Variants in STX6 observed in about 807,000 individuals in gnomAD.
STX6 encodes the protein syntaxin 6, also known as syntaxin-6.
STX6 carries 23 observed loss-of-function variants against 38.0 expected under a neutral mutation model. The observed-to-expected ratio is 0.60, with a 90% CI of 0.43 to 0.86. The LOEUF is 0.86. Ranked by LOEUF, STX6 falls within the 40% of genes least tolerant of loss-of-function variation. STX6 has a pLI of 0.00. For missense variants in STX6, 274 were observed against 312.9 expected (o/e 0.88, Z 0.94); for synonymous variants, 123 against 107.5 (o/e 1.14, Z -0.89).
At chr1:181,008,547 A>T (rs1056991191) in intron 1 of STX6, among the ~76,000 whole-genome samples, 1 of 152,158 alleles carries the variant, frequency 6.6e-6, no homozygotes, top group Non-Finnish European at 1.5e-5. Context: ...TTATAACATC[A>T]AATAGTGGTC....
intron 2 of STX6, among the ~76,000 whole-genome samples, chr1:181,004,915 CAT>C (rs1055398026): frequency 9.3e-5 from 14 of 150,112 alleles, no homozygotes; most frequent in African/African-American, 3.4e-4. Flanking sequence ...TCAGAAATAT[CAT>C]ACTGACTTGA....
At chr1:180,988,627 G>A in intron 5 of STX6, 1 of 319,532 alleles carries the variant, frequency 3.1e-6, no homozygotes, top group Non-Finnish European at 6.0e-6. Context: ...TCCAATAATG[G>A]AGCAGACAAT....
intron 1 of STX6, among the ~76,000 whole-genome samples, chr1:181,013,175 CAA>C (rs1224501477): frequency 6.6e-6 from 1 of 150,554 alleles, no homozygotes; most frequent in Non-Finnish European, 1.5e-5. Flanking sequence ...AAAAAAATCA[CAA>C]AGTTTTCTTA....
rs767454786 is a variant in STX6 at position 180,993,330 on chromosome 1, G to A, written c.363+33C>T. ...CCAAATATCTAACTGTATGCTTTCT[G>A]TCATTGATAATTATATTCTGATGTT... On this transcript the variant is annotated intron_variant, in intron 4 of 7. Coordinates refer to ENST00000258301, the MANE Select transcript of STX6 (RefSeq NM_005819.6). 4.1e-6 allele frequency: 5 copies of A among 1,217,308 alleles called. No homozygotes were observed. In the South Asian group the frequency reaches 4.9e-5, roughly 12 times the overall value. 75.4% of individuals were successfully genotyped at this position (1,217,308 alleles called of 1,614,324 possible).
intron 1 of STX6, among the ~76,000 whole-genome samples, chr1:181,017,806 T>C (rs370219820): frequency 1.7e-4 from 26 of 152,216 alleles, no homozygotes; most frequent in African/African-American, 5.8e-4. Flanking sequence ...CTCAAACACT[T>C]TGAGGGGCAA....
At chr1:181,008,648 T>C (rs1656299363) in intron 1 of STX6, among the ~76,000 whole-genome samples, 1 of 150,498 alleles carries the variant, frequency 6.6e-6, no homozygotes, top group South Asian at 2.1e-4. Flanking sequence ...TTTGTTATTA[T>C]CACCACCAGT....
intron 6 of STX6, among the ~76,000 whole-genome samples, chr1:180,986,235 T>C (rs1380212007): frequency 6.6e-6 from 1 of 152,222 alleles, no homozygotes; most frequent in Non-Finnish European, 1.5e-5. Flanking sequence ...GAGTCACATA[T>C]GCCATTTTAC....
chr1:181,019,793 A>T (rs778462270), intron 1 of STX6, among the ~76,000 whole-genome samples: 2 of 152,200 alleles, frequency 1.3e-5, no homozygotes, highest in Non-Finnish European at 2.9e-5. Flanking sequence ...ACAGAAATTA[A>T]ATTTTAATTA....
chr1:180,989,686 C>T (rs12738910), intron 5 of STX6, among the ~76,000 whole-genome samples: 1 of 151,942 alleles, frequency 6.6e-6, no homozygotes, highest in East Asian at 1.9e-4. Flanking sequence ...ATGGCATGAT[C>T]GAAGCTCACT....
intron 3 of STX6, among the ~76,000 whole-genome samples, chr1:181,000,308 A>C (rs1656044261): frequency 6.6e-6 from 1 of 152,236 alleles, no homozygotes; most frequent in Non-Finnish European, 1.5e-5. Flanking sequence ...GAGACTGGGT[A>C]ATTTATAAGA....
chr1:181,013,768 G>A (rs1159852393), intron 1 of STX6, among the ~76,000 whole-genome samples: 1 of 152,200 alleles, frequency 6.6e-6, no homozygotes, highest in African/African-American at 2.4e-5. Flanking sequence ...GTTCCACAAT[G>A]TCTGGGACCT....
At chr1:180,976,886 C>T (rs1307701405) in intron 7 of STX6, among the ~76,000 whole-genome samples, 1 of 152,188 alleles carries the variant, frequency 6.6e-6, no homozygotes, top group Admixed American at 6.5e-5. Context: ...TAATTACATG[C>T]TTTGTGTCTC....
At chr1:181,011,848 G>GGAGGAGCACTTCACTTT (rs1372251990) in intron 1 of STX6, among the ~76,000 whole-genome samples, 3 of 152,140 alleles carry the variant, frequency 2.0e-5, no homozygotes, top group African/African-American at 2.4e-5. Context: ...CTTCACTTTG[G>GGAGGAGCACTTCACTTT]GAGGAGCACT....
chr1:181,013,157 C>CA (rs11400378), intron 1 of STX6, among the ~76,000 whole-genome samples: 36,289 of 138,934 alleles, frequency 0.26, 4,908 homozygotes, highest in East Asian at 0.43. Context: ...AAATACAGTC[C>CA]AAAAAAAAAA....
intron 4 of STX6, among the ~76,000 whole-genome samples, chr1:180,991,857 A>C (rs985806464): frequency 6.6e-6 from 1 of 151,854 alleles, no homozygotes; most frequent in African/African-American, 2.4e-5. Flanking sequence ...CTCATAGCCT[A>C]AAACAAAATT....
rs1378863667 is a variant in STX6 at position 180,975,791 on chromosome 1, C to T, written c.*779G>A. ...CCCTGGTACAGCAACATCAAGTCGG[C>T]AAGGATCAGGAGCTGACCTGTGGCG... On this transcript the variant is annotated 3_prime_UTR_variant, in exon 8 of 8. Transcript: ENST00000258301. 1.3e-5 allele frequency: 2 copies of T among 152,232 alleles called. No individual in the cohort carries two copies. Among genetic ancestry groups the T allele is most frequent in the African/African-American group, 4.8e-5 (2 of 41,442 alleles). 9.4% of individuals were successfully genotyped at this position (152,232 alleles called of 1,614,324 possible).
Position 180,974,864 on chromosome 1 carries a change from T to C in STX6, c.*1706A>G, listed in dbSNP as rs114908482. 4.0e-3 allele frequency: 608 copies of C among 152,712 alleles called. 3 individuals carry two copies. The highest frequency in any genetic ancestry group is 6.7e-3 in the Non-Finnish European group (453 of 68,028). The allele number at this position is 152,712 out of a possible 1,614,324, so 9.5% of individuals were successfully genotyped here. The stretch of plus-strand genomic sequence containing the variant: ...TTAGAGCGGAGTGTAAACATGGATG[T>C]CAATCACCCTTTTAGTTTCATAAAT... On this transcript the variant is annotated 3_prime_UTR_variant, in exon 8 of 8. Transcript: ENST00000258301.
At position 180,976,136 on chromosome 1, in the gene STX6, G is replaced by C. The variant is rs867257303; in HGVS notation, c.*434C>G. The stretch of plus-strand genomic sequence containing the variant: ...AACATACCCAGAAGCTCGTATTCCT[G>C]ACAGGTTTCTTTAGATGGGACAGCG... On this transcript the variant is annotated 3_prime_UTR_variant, in exon 8 of 8. Coordinates refer to ENST00000258301, the MANE Select transcript of STX6 (RefSeq NM_005819.6). 6.3e-6 allele frequency: 1 copy of C among 158,202 alleles called. No homozygotes were observed. The highest frequency in any genetic ancestry group is 2.4e-5 in the African/African-American group (1 of 41,676). 9.8% of individuals were successfully genotyped at this position (158,202 alleles called of 1,614,324 possible). A position where few individuals can be genotyped will look rare whatever the true frequency, so the allele number is the denominator to read the frequency against.
rs755782032 is a variant in STX6, at chr1:181,022,715, G to A, written c.-42C>T. The A allele has an allele frequency of 8.2e-6, 13 of 1,579,788 alleles. No individual in the cohort carries two copies. The highest frequency in any genetic ancestry group is 2.7e-5 in the African/African-American group (2 of 73,894). ...CCGCCTTCACCTCCTCCGCGCACAGGGCGCCCGTGCCTCCCGGTCTCCCTC... is the reference window on the plus strand; with the variant it reads ...CCGCCTTCACCTCCTCCGCGCACAGAGCGCCCGTGCCTCCCGGTCTCCCTC... On this transcript the variant is annotated 5_prime_UTR_variant, in exon 1 of 8. Coordinates refer to ENST00000258301, the MANE Select transcript of STX6 (RefSeq NM_005819.6).
Sources: allele counts gnomAD v4.1 joint callset (sites outside exome capture counted in the v4.1 genomes callset), GRCh38; gene constraint gnomAD v4.1.1; transcripts MANE v1.5; gene names NCBI Gene and HGNC (gene_info 2026-07-23, HGNC 2026-07-21).